GALNTL6: variants seen among roughly 807,000 people sequenced by gnomAD.
GALNTL6 encodes polypeptide N-acetylgalactosaminyltransferase-like 6.
Under a neutral mutation model 73.7 loss-of-function variants are expected in GALNTL6, and 46 were observed. The observed-to-expected ratio is 0.62, with a 90% CI of 0.49 to 0.80. The LOEUF is 0.80. GALNTL6 is among the 30% of genes least tolerant of loss of function. GALNTL6 has a pLI of 0.00. For synonymous variants in GALNTL6, 259 were observed against 263.7 expected, an observed-to-expected ratio of 0.98 and a Z score of 0.17; for missense variants, 604 against 755.0, an observed-to-expected ratio of 0.80 and a Z score of 2.34.
At chr4:171,832,494 G>A (rs1170712717) in intron 2 of GALNTL6, among the ~76,000 whole-genome samples, 5 of 151,406 alleles carry the variant, frequency 3.3e-5, no homozygotes, top group African/African-American at 1.2e-4. Context: ...TAGATAGGTA[G>A]AGAGATAGAT....
intron 8 of GALNTL6, among the ~76,000 whole-genome samples, chr4:172,925,729 C>G (rs1748025976): frequency 6.6e-6 from 1 of 152,276 alleles, no homozygotes; most frequent in South Asian, 2.1e-4. Context: ...CCCTGAGGCT[C>G]CAGGTAAGAG....
intron 2 of GALNTL6, among the ~76,000 whole-genome samples, chr4:172,114,869 G>A (rs1732945231): frequency 6.6e-6 from 1 of 151,860 alleles, no homozygotes; most frequent in South Asian, 2.1e-4. Flanking sequence ...TATTACATAC[G>A]ACAGTCGAGG....
intron 10 of GALNTL6, among the ~76,000 whole-genome samples, chr4:172,967,897 A>G (rs528377456): frequency 2.0e-5 from 3 of 152,284 alleles, no homozygotes; most frequent in Non-Finnish European, 4.4e-5. Flanking sequence ...TTTGAATTTC[A>G]ATACTCAAGT....
chr4:172,657,948 A>G (rs1185125241), intron 5 of GALNTL6, among the ~76,000 whole-genome samples: 1 of 150,882 alleles, frequency 6.6e-6, no homozygotes, highest in Non-Finnish European at 1.5e-5. Flanking sequence ...CAGGAGATCG[A>G]GACCATCCCG....
intron 2 of GALNTL6, among the ~76,000 whole-genome samples, chr4:171,834,152 G>T (rs1404064841): frequency 6.6e-6 from 1 of 151,896 alleles, no homozygotes; most frequent in Non-Finnish European, 1.5e-5. Context: ...AAACATTAAT[G>T]CTTATATTTC....
rs144952862 is a variant in GALNTL6, at chr4:172,947,849, T to C, written c.1150-4188T>C. 7.3e-3 allele frequency among the ~76,000 whole-genome samples: 1,118 copies of C among 152,262 alleles called. 13 individuals carry two copies. Among genetic ancestry groups the C allele is most frequent in the Middle Eastern group, 0.024 (7 of 294 alleles). On this transcript the variant is annotated intron_variant, in intron 9 of 12. Coordinates refer to ENST00000506823, the MANE Select transcript of GALNTL6 (RefSeq NM_001034845.3). Reference sequence around the variant, plus strand: ...ATATAAATACCCTGACGAACTCCAATGAGTATATGATTTTCCTATTTCCTG... The same window carrying C: ...ATATAAATACCCTGACGAACTCCAACGAGTATATGATTTTCCTATTTCCTG...
chr4:171,845,961 G>T (rs917624826), intron 2 of GALNTL6, among the ~76,000 whole-genome samples: 18 of 152,066 alleles, frequency 1.2e-4, no homozygotes, highest in South Asian at 2.1e-4. Context: ...ATTTCTACGG[G>T]AGTTTACATG....
At chr4:172,777,337 T>C (rs537172519) in intron 5 of GALNTL6, among the ~76,000 whole-genome samples, 1 of 152,278 alleles carries the variant, frequency 6.6e-6, no homozygotes, top group Non-Finnish European at 1.5e-5. Context: ...TTGGGGAGTT[T>C]TTCACAGCAG....
chr4:172,419,671 C>A (rs910528196), intron 5 of GALNTL6, among the ~76,000 whole-genome samples: 1 of 152,056 alleles, frequency 6.6e-6, no homozygotes, highest in Non-Finnish European at 1.5e-5. Flanking sequence ...GAAGTGAGGA[C>A]GACATACATT....
chr4:172,818,343 A>G (rs1741725118), intron 7 of GALNTL6, among the ~76,000 whole-genome samples: 1 of 152,146 alleles, frequency 6.6e-6, no homozygotes, highest in African/African-American at 2.4e-5. Flanking sequence ...AGTTGATTAT[A>G]TTTTTCAGAA....
intron 2 of GALNTL6, among the ~76,000 whole-genome samples, chr4:171,922,052 A>G (rs989269679): frequency 3.3e-5 from 5 of 151,848 alleles, no homozygotes; most frequent in Non-Finnish European, 7.4e-5. Context: ...TGGCTATGAC[A>G]GAAATTATAG....
At chr4:172,973,735 G>A (rs939497436) in intron 10 of GALNTL6, among the ~76,000 whole-genome samples, 1 of 152,176 alleles carries the variant, frequency 6.6e-6, no homozygotes, top group African/African-American at 2.4e-5. Flanking sequence ...TTGTGGATAC[G>A]TAAGAAAATG....
intron 5 of GALNTL6, among the ~76,000 whole-genome samples, chr4:172,385,903 T>G (rs189669121): frequency 1.3e-5 from 2 of 151,432 alleles, no homozygotes; most frequent in East Asian, 3.9e-4. Context: ...CATTTATTGT[T>G]TATACACACA....
intron 5 of GALNTL6, among the ~76,000 whole-genome samples, chr4:172,733,528 C>G (rs1258768941): frequency 1.3e-5 from 2 of 152,128 alleles, no homozygotes; most frequent in East Asian, 3.9e-4. Context: ...TTGTAGCTCC[C>G]ATAATCCCTA....
intron 2 of GALNTL6, among the ~76,000 whole-genome samples, chr4:171,874,489 C>T (rs564260072): frequency 1.3e-5 from 2 of 152,228 alleles, no homozygotes; most frequent in South Asian, 2.1e-4. Flanking sequence ...TGCATCTGGC[C>T]TCATGTTCTA....
intron 2 of GALNTL6, among the ~76,000 whole-genome samples, chr4:171,896,053 AATAACCTAACATAAGTGTCATTGGTTGT>A (rs1366574208): frequency 6.6e-6 from 1 of 151,926 alleles, no homozygotes; most frequent in Non-Finnish European, 1.5e-5. Context: ...TTAGATACTA[AATAACCTAACATAAGTGTCATTGGTTGT>A]CCATCAGGGA....
chr4:171,900,409 G>A (rs576729194), intron 2 of GALNTL6, among the ~76,000 whole-genome samples: 1 of 152,140 alleles, frequency 6.6e-6, no homozygotes, highest in South Asian at 2.1e-4. Flanking sequence ...CCAGGTTCAA[G>A]CGATTTTCCT....
At chr4:171,912,947 C>T (rs747246204) in intron 2 of GALNTL6, among the ~76,000 whole-genome samples, 1 of 152,132 alleles carries the variant, frequency 6.6e-6, no homozygotes, top group Non-Finnish European at 1.5e-5. Flanking sequence ...ACCCGTTCAT[C>T]TATTGATGGA....
intron 5 of GALNTL6, among the ~76,000 whole-genome samples, chr4:172,787,980 A>G (rs542019752): frequency 6.6e-6 from 1 of 152,326 alleles, no homozygotes; most frequent in South Asian, 2.1e-4. Context: ...GAAACAGAAA[A>G]ATCCATATTT....
Sources: allele counts gnomAD v4.1 joint callset (sites outside exome capture counted in the v4.1 genomes callset), GRCh38; gene constraint gnomAD v4.1.1; transcripts MANE v1.5; gene names NCBI Gene and HGNC (gene_info 2026-07-23, HGNC 2026-07-21).